The following CPAP variants were observed in gnomAD, a reference collection of about 807,000 sequenced individuals.
CPAP encodes the protein centrosomal P4.1-associated protein.
the CPAP span, chr13:24,933,189 AC>A: frequency 7.6e-7 from 1 of 1,309,368 alleles, no homozygotes; most frequent in Non-Finnish European, 1.1e-6. Flanking sequence ...CATTCAGGGA[AC>A]AACAGGGTCA....
chr13:24,890,017 G>A, the CPAP span, among the ~76,000 whole-genome samples: 1 of 152,078 alleles, frequency 6.6e-6, no homozygotes, highest in Non-Finnish European at 1.5e-5. Flanking sequence ...ATCAACATCT[G>A]CAATTATCAA....
At chr13:24,895,105 G>C in the CPAP span, among the ~76,000 whole-genome samples, 3 of 152,252 alleles carry the variant, frequency 2.0e-5, no homozygotes, top group South Asian at 6.2e-4. Context: ...CTGAGAGCCA[G>C]CGCCGTGAAA....
At chr13:24,902,674 C>T in the CPAP span, among the ~76,000 whole-genome samples, 5 of 152,116 alleles carry the variant, frequency 3.3e-5, no homozygotes, top group Non-Finnish European at 7.4e-5. Context: ...GTAGGAAGCT[C>T]CAACAATCAG....
the CPAP span, among the ~76,000 whole-genome samples, chr13:24,921,893 G>A: frequency 1.3e-5 from 2 of 152,094 alleles, no homozygotes; most frequent in African/African-American, 4.8e-5. Flanking sequence ...TATATTTAAT[G>A]TCAGCATGAA....
the CPAP span, chr13:24,889,446 A>ATT: frequency 8.1e-7 from 1 of 1,242,206 alleles, no homozygotes; most frequent in South Asian, 1.2e-5. Context: ...GTGTTAGTCT[A>ATT]TTAATACACT....
the CPAP span, chr13:24,882,578 A>AGACAT: frequency 6.5e-6 from 1 of 153,472 alleles, no homozygotes; most frequent in African/African-American, 2.4e-5. Flanking sequence ...TCCCATTTTG[A>AGACAT]GACATTACAT....
the CPAP span, chr13:24,899,331 T>G: frequency 5.1e-6 from 5 of 977,568 alleles, no homozygotes; most frequent in Non-Finnish European, 8.0e-6. Context: ...TACACAGTTT[T>G]GCTTTGACAT....
chr13:24,883,306 C>G, the CPAP span: 4 of 1,613,902 alleles, frequency 2.5e-6, no homozygotes, highest in Non-Finnish European at 3.4e-6. Context: ...ATTCCCGTCT[C>G]TTGAACTGGG....
chr13:24,930,427 T>C, the CPAP span, among the ~76,000 whole-genome samples: 11 of 152,194 alleles, frequency 7.2e-5, no homozygotes, highest in Non-Finnish European at 2.9e-5. Flanking sequence ...ATACTGAGCA[T>C]TGTACCAATA....
chr13:24,930,297 C>G, the CPAP span, among the ~76,000 whole-genome samples: 3 of 151,766 alleles, frequency 2.0e-5, no homozygotes, highest in Non-Finnish European at 4.4e-5. Context: ...TATTAATAAT[C>G]TTTATTTTTT....
At chr13:24,885,475 A>AAAAT in the CPAP span, 1 of 1,190,372 alleles carries the variant, frequency 8.4e-7, no homozygotes, top group Admixed American at 1.7e-5. Context: ...TAGTGTTTAC[A>AAAAT]AAATATAACA....
At chr13:24,885,261 A>AAAAC in the CPAP span, 1 of 1,506,326 alleles carries the variant, frequency 6.6e-7, no homozygotes, top group South Asian at 1.1e-5. Context: ...CATTATTTCA[A>AAAAC]AAACATTTTT....
the CPAP span, chr13:24,885,499 G>A: frequency 4.2e-5 from 50 of 1,185,458 alleles, no homozygotes; most frequent in Middle Eastern, 1.3e-3. Flanking sequence ...ATAATGTTAA[G>A]TAAAAACTCT....
the CPAP span, among the ~76,000 whole-genome samples, chr13:24,910,683 A>G: frequency 2.0e-5 from 3 of 152,252 alleles, no homozygotes; most frequent in Non-Finnish European, 4.4e-5. Flanking sequence ...GCATGAGGCT[A>G]GTTCTTATGT....
the CPAP span, chr13:24,907,061 T>C: frequency 2.5e-6 from 4 of 1,603,240 alleles, no homozygotes; most frequent in African/African-American, 5.4e-5. Context: ...AGCCTTAGAA[T>C]GATTTAATCA....
the CPAP span, among the ~76,000 whole-genome samples, chr13:24,929,076 A>AT: frequency 1.1e-4 from 17 of 151,962 alleles, no homozygotes; most frequent in African/African-American, 2.2e-4. Flanking sequence ...TTTATTACAC[A>AT]TTTTTTTTAG....
the CPAP span, chr13:24,911,798 A>T: frequency 1.0e-6 from 1 of 957,942 alleles, no homozygotes; most frequent in African/African-American, 1.6e-5. Flanking sequence ...CAGTTGTATT[A>T]CAACTCTACC....
chr13:24,907,921 G>GA, the CPAP span: 1 of 957,718 alleles, frequency 1.0e-6, no homozygotes, highest in African/African-American at 1.6e-5. Flanking sequence ...GCAAAAACCA[G>GA]AAAAATATAG....
At chr13:24,912,964 A>T in the CPAP span, 1 of 1,614,256 alleles carries the variant, frequency 6.2e-7, no homozygotes, top group Admixed American at 1.7e-5. Flanking sequence ...AGGATTGGTC[A>T]TCCACTGGGT....
Sources: allele counts gnomAD v4.1 joint callset (sites outside exome capture counted in the v4.1 genomes callset), GRCh38; gene constraint gnomAD v4.1.1; transcripts MANE v1.5; gene names NCBI Gene and HGNC (gene_info 2026-07-23, HGNC 2026-07-21).